The following PLEC variants were observed in gnomAD, a reference collection of about 807,000 sequenced individuals.
PLEC encodes plectin.
In PLEC, 216 loss-of-function variants were observed where a neutral mutation model predicts 392.8. The observed-to-expected ratio is 0.55, with a 90% CI of 0.49 to 0.62. PLEC has a LOEUF of 0.62. Among genes scored for constraint, PLEC ranks in the 20% least tolerant of loss-of-function variants. PLEC has a pLI of 0.00. For missense variants in PLEC, 6,863 were observed against 6,563.4 expected (o/e 1.05, Z -1.58); for synonymous variants, 3,621 against 2,980.6 (o/e 1.21, Z -7.00).
At position 143,935,331 on chromosome 8, in the gene PLEC, CTGGTCAGGTGGG is replaced by C; in HGVS notation, c.603-30_603-19del. 4 of 1,578,064 alleles carry C rather than the reference CTGGTCAGGTGGG, an allele frequency of 2.5e-6. No individual in the cohort carries two copies. The highest frequency in any genetic ancestry group is 3.4e-6 in the Non-Finnish European group (4 of 1,161,762). ...GCAGGGGCCTGGGACAAGCAGGTGG[CTGGTCAGGTGGG>C]TGGGACAAGACCAGCGGCCACACCA... On this transcript the variant is annotated intron_variant, in intron 6 of 31. Transcript: ENST00000345136.
Position 143,930,136 on chromosome 8 carries a change from C to G in PLEC, c.2612+8G>C, listed in dbSNP as rs1554712973. 6.3e-7 allele frequency: 1 copy of G among 1,586,848 alleles called. No homozygotes were observed. ...CCAGCCCCCACCTGCTGAGCCCCCG[C>G]CACCCACCTGGTGACGGCCTCCTGG... is the stretch of plus-strand genomic sequence containing the variant. On this transcript the variant is annotated splice_region_variant and intron_variant, in intron 21 of 31. Transcript: ENST00000345136.
rs1339269640 is a variant in PLEC, at chr8:143,915,295, G to A, written c.*882C>T. On this transcript the variant is annotated 3_prime_UTR_variant, in exon 32 of 32. Transcript: ENST00000345136. ...GGGTTAGTGGAACATGCAAAGCTCA[G>A]AGGGTGGAGGCAGGGGTGGTCGCTG... The A allele has an allele frequency of 6.6e-6, 1 of 152,594 alleles. No homozygotes were observed. Among genetic ancestry groups the A allele is most frequent in the Non-Finnish European group, 1.5e-5 (1 of 68,194 alleles). The allele number at this position is 152,594 out of a possible 1,614,324, so 9.5% of individuals were successfully genotyped here. A position where few individuals can be genotyped will look rare whatever the true frequency, so the allele number is the denominator to read the frequency against.
chr8:143,925,018 C>A lies in PLEC; in HGVS notation c.4911G>T (p.Lys1637Asn). ...GCCGCAGCCGTAGCGCCTCGTTGGCCTTGAGCTGCCAGCGCTCCAGCTCCC... is the reference window on the plus strand; with the variant it reads ...GCCGCAGCCGTAGCGCCTCGTTGGCATTGAGCTGCCAGCGCTCCAGCTCCC... ...AERELERWQL[K>N]ANEALRLRLQ... Residue 1637 changes from lysine (K) to asparagine (N), a missense_variant, in exon 31 of 32, where the codon AAG (lysine) becomes AAT (asparagine). By Grantham distance (94) the Lys-to-Asn change is moderately conservative (BLOSUM62 0). Transcript: ENST00000345136. 2 of 1,570,188 alleles carry A rather than the reference C, an allele frequency of 1.3e-6. No individual in the cohort carries two copies. Among genetic ancestry groups the A allele is most frequent in the Admixed American group, 1.8e-5 (1 of 56,518 alleles).
rs782562561 is a variant in PLEC, at chr8:143,932,962, C to T, written c.1568G>A (p.Arg523His). ...CCAGGCCAGCAGGTCCTGCAGGTAG[C>T]GCAGAGTGGAGTCCTCCAGCTCGGG... The part of the protein sequence containing the change: ...RRPELEDSTL[R>H]YLQDLLAWVE... The change falls in exon 14 of 32, where the codon CGC (arginine) becomes CAC (histidine). Residue 523 changes from arginine (R) to histidine (H), a missense_variant. Arg to His is a conservative substitution (Grantham distance 29, BLOSUM62 0). Transcript: ENST00000345136. 11 of 1,612,362 alleles carry T rather than the reference C, an allele frequency of 6.8e-6. No homozygotes were observed. The highest frequency in any genetic ancestry group is 4.2e-6 in the Non-Finnish European group (5 of 1,179,862).
In PLEC at chr8:143,927,724, C is replaced by A. The variant is rs370869846; in HGVS notation, c.3442G>T (p.Ala1148Ser). The part of the protein sequence containing the change: ...QAEAQQPTFD[A>S]LRDELRGAQE... ...GCCCCCCGCAGCTCATCCCGCAGGG[C>A]GTCGAACGTGGGCTGCTGTGCCTCG... Residue 1148 changes from alanine to serine, a missense_variant, in exon 27 of 32, where the codon GCC becomes TCC. Physicochemically the swap from Ala to Ser is moderately conservative, Grantham distance 99 (BLOSUM62 1). Transcript: ENST00000345136. 1 of 1,593,426 alleles carries A rather than the reference C, an allele frequency of 6.3e-7. No individual in the cohort carries two copies. Among genetic ancestry groups the A allele is most frequent in the South Asian group, 1.1e-5 (1 of 88,752 alleles).
chr8:143,929,717 C>G lies in PLEC; in HGVS notation c.2852G>C (p.Arg951Pro), dbSNP rs782775290. The G allele has an allele frequency of 1.3e-6, 2 of 1,599,876 alleles. No homozygotes were observed. The highest frequency in any genetic ancestry group is 1.7e-6 in the Non-Finnish European group (2 of 1,179,248). ...QDAGGFGPEDRLMAEREYGSC... is the reference protein window; with the variant it reads ...QDAGGFGPEDPLMAEREYGSC... ...GCCGTACTCGCGCTCAGCCATCAGC[C>G]GGTCCTCGGGTCCGAAGCCGCCCGC... The change falls in exon 23 of 32, where the codon CGG becomes CCG. Residue 951 changes from arginine (R) to proline (P), a missense_variant. Physicochemically the swap from Arg to Pro is moderately radical, Grantham distance 103. Coordinates refer to ENST00000345136, the MANE Select transcript of PLEC (RefSeq NM_201384.3).
Position 143,929,074 on chromosome 8 carries a change from G to C in PLEC, c.3260+29C>G, listed in dbSNP as rs1554710106. 4.5e-6 allele frequency: 7 copies of C among 1,549,802 alleles called. No individual in the cohort carries two copies. The Admixed American group carries it at 1.4e-4, about 30-fold the overall frequency. ...CCCCAGCACCCCCCAGCCGACCCCA[G>C]CCCCTCGCCTGTGGCCAGGTGCACT... is the stretch of plus-strand genomic sequence containing the variant. On this transcript the variant is annotated intron_variant, in intron 25 of 31. Transcript: ENST00000345136.
At position 143,935,453 on chromosome 8, in the gene PLEC, C is replaced by T. The variant is rs774929881; in HGVS notation, c.603-140G>A. ...ACTCACCCTGAAAAATACACTGTCA[C>T]ATGGGCAGAGCTGAGAGCACCCTGC... On this transcript the variant is annotated intron_variant, in intron 6 of 31. Coordinates refer to ENST00000345136, the MANE Select transcript of PLEC (RefSeq NM_201384.3). 277 of 710,694 alleles carry T rather than the reference C, an allele frequency of 3.9e-4. 2 individuals carry two copies. Among genetic ancestry groups the T allele is most frequent in the Non-Finnish European group, 3.3e-4 (130 of 397,006 alleles). The allele number at this position is 710,694 out of a possible 1,614,324, so 44.0% of individuals were successfully genotyped here.
chr8:143,946,154 G>C (rs990338749), intron 1 of PLEC, among the ~76,000 whole-genome samples: 2 of 152,228 alleles, frequency 1.3e-5, no homozygotes, highest in South Asian at 2.1e-4. Context: ...CCACTCCACG[G>C]AGGTCCGGAC....
intron 1 of PLEC, among the ~76,000 whole-genome samples, chr8:143,963,550 C>T (rs1832957271): frequency 6.6e-6 from 1 of 152,212 alleles, no homozygotes; most frequent in Admixed American, 6.5e-5. Context: ...ATAAAACTTG[C>T]TTTCTAGTTT....
Position 143,916,359 on chromosome 8 carries a change from C to T in PLEC, c.13462G>A (p.Gly4488Ser), listed in dbSNP as rs782469674. ...CCGGTGCGCGAGCCGGTGCGGGAGC[C>T]AGCGGTAGAGCCGGAGCCGCTGACG... ...YSVSGSGSTAGSRTGSRTGSR... is the reference protein window; with the variant it reads ...YSVSGSGSTASSRTGSRTGSR... The change falls in exon 32 of 32, where the codon GGC becomes AGC. Residue 4488 changes from glycine (G) to serine (S), a missense_variant. Coordinates refer to ENST00000345136, the MANE Select transcript of PLEC (RefSeq NM_201384.3). 1.2e-5 allele frequency: 20 copies of T among 1,606,650 alleles called. No homozygotes were observed. Among genetic ancestry groups the T allele is most frequent in the Non-Finnish European group, 1.7e-5 (20 of 1,176,842 alleles).
Position 143,929,504 on chromosome 8 carries a change from C to T in PLEC, c.2991G>A (p.Glu997=). The change falls in exon 24 of 32, where the codon GAG becomes GAA. Residue 997 remains glutamate (E), a synonymous_variant. Transcript: ENST00000345136. Reference sequence around the variant, plus strand: ...GGTGCACGGTGCGCGTCTCACAGGCCTCCAGCTGCAGCCGGATGTCTTTGA... The same window carrying T: ...GGTGCACGGTGCGCGTCTCACAGGCTTCCAGCTGCAGCCGGATGTCTTTGA... ...SELKDIRLQL[E]ACETRTVHRL... 6.2e-7 allele frequency: 1 copy of T among 1,612,076 alleles called. No individual in the cohort carries two copies. The highest frequency in any genetic ancestry group is 8.5e-7 in the Non-Finnish European group (1 of 1,179,814).
chr8:143,926,805 CAG>C lies in PLEC; in HGVS notation c.4021_4022del (p.Leu1341AlafsTer11). The C allele has an allele frequency of 1.2e-6, 2 of 1,613,824 alleles. No homozygotes were observed. Among genetic ancestry groups the C allele is most frequent in the Non-Finnish European group, 1.7e-6 (2 of 1,179,930 alleles). On this transcript the variant is annotated frameshift_variant, in exon 30 of 32. Coordinates refer to ENST00000345136, the MANE Select transcript of PLEC (RefSeq NM_201384.3). LOFTEE classifies it high-confidence loss of function. Reference sequence around the variant, plus strand: ...GTACCTCCTCCTCCTCCATGCGCCGCAGAGTCTCGCTGATGAACTTGATGTAC... The same window carrying C: ...GTACCTCCTCCTCCTCCATGCGCCGCAGTCTCGCTGATGAACTTGATGTAC... ...SQYIKFISET[L>X]RRMEEEERLA...
In PLEC at chr8:143,917,142, G is replaced by A. The variant is rs782010335; in HGVS notation, c.12679C>T (p.Leu4227Phe). ...ATGTCGGCGAACTCGGTGATGGAGAGCGTGCCGGCGCGGTACTGGTCCAGT... is the reference window on the plus strand; with the variant it reads ...ATGTCGGCGAACTCGGTGATGGAGAACGTGCCGGCGCGGTACTGGTCCAGT... ...SALDQYRAGT[L>F]SITEFADMLS... Residue 4227 changes from leucine (L) to phenylalanine (F), a missense_variant, in exon 32 of 32, where the codon CTC (leucine) becomes TTC (phenylalanine). Leu to Phe is a conservative substitution (Grantham distance 22). Transcript: ENST00000345136. 6 of 1,604,660 alleles carry A rather than the reference G, an allele frequency of 3.7e-6. No individual in the cohort carries two copies. The Admixed American group carries it at 8.4e-5, about 22-fold the overall frequency.
chr8:143,964,570 A>C (rs1229802999), intron 1 of PLEC, among the ~76,000 whole-genome samples: 2 of 152,202 alleles, frequency 1.3e-5, no homozygotes, highest in Non-Finnish European at 2.9e-5. Flanking sequence ...CCCTGTCAAC[A>C]TCTTGATTTT....
intron 20 of PLEC, 36 bp from the exon 21 acceptor site, chr8:143,930,334 C>T: frequency 6.3e-7 from 1 of 1,589,668 alleles, no homozygotes; most frequent in Non-Finnish European, 8.5e-7. Context: ...CATGGCCACA[C>T]CCTGCCCTGC....
intron 1 of PLEC, among the ~76,000 whole-genome samples, chr8:143,959,732 C>T (rs1284914064): frequency 2.6e-5 from 4 of 152,264 alleles, no homozygotes; most frequent in Non-Finnish European, 5.9e-5. Flanking sequence ...TGTGGTGGCT[C>T]ACGCCTGTAA....
chr8:143,922,213 C>T lies in PLEC; in HGVS notation c.7608G>A (p.Arg2536=). Residue 2536 remains arginine, a synonymous_variant, in exon 32 of 32, where the codon CGG becomes CGA. Coordinates refer to ENST00000345136, the MANE Select transcript of PLEC (RefSeq NM_201384.3). ...GTTCCTGCTCCATCTGCTGCTGCTG[C>T]CGCTGCTGCTCCTCACGCAGCTGCT... The part of the protein sequence containing the change: ...KAQQLREEQQ[R]QQQQMEQERQ... 1.3e-6 allele frequency: 2 copies of T among 1,561,006 alleles called. No individual in the cohort carries two copies. The highest frequency in any genetic ancestry group is 1.7e-6 in the Non-Finnish European group (2 of 1,156,582).
At chr8:143,968,528 T>TAAAAAAA (rs1833237591) in intron 1 of PLEC, among the ~76,000 whole-genome samples, 1 of 33,862 alleles carries the variant, frequency 3.0e-5, no homozygotes, top group Admixed American at 2.7e-4. Flanking sequence ...AAACTCCATC[T>TAAAAAAA]CAAAAAAAAA....
Sources: gnomAD v4.1 joint callset for allele counts (sites outside exome capture counted in the v4.1 genomes callset) on GRCh38, gnomAD v4.1.1 for gene constraint, MANE v1.5 for transcripts, NCBI Gene and HGNC (gene_info 2026-07-23, HGNC 2026-07-21) for gene names.